LMF2: variants seen among roughly 807,000 people sequenced by gnomAD.
LMF2 encodes lipase maturation factor 2, also known as transmembrane protein 112B.
A neutral mutation model predicts 81.5 loss-of-function variants in LMF2; 113 were observed. That is an observed-to-expected ratio of 1.39 (90% CI 1.19 to 1.62). The LOEUF is 1.62. Ranked by LOEUF, LMF2 falls within the 40% of genes most tolerant of loss-of-function variation. The pLI, the probability that LMF2 is intolerant of heterozygous loss-of-function variation, is 0.00. For missense variants in LMF2, 1,235 were observed against 929.1 expected (o/e 1.33, Z -4.28); for synonymous variants, 645 against 424.5 (o/e 1.52, Z -6.39).
In LMF2 at chr22:50,505,658, G is replaced by A. The variant is rs752887586; in HGVS notation, c.916+16C>T. 2.5e-6 allele frequency: 4 copies of A among 1,612,632 alleles called. No homozygotes were observed. The South Asian group carries it at 4.4e-5, about 18-fold the overall frequency. The stretch of plus-strand genomic sequence containing the variant: ...GAACCCCTGGGAGGGCAGGGGGCTG[G>A]ACAAGTGACACGCACAGGTGGCCGT... On this transcript the variant is annotated intron_variant, in intron 6 of 13. Coordinates refer to ENST00000474879, the MANE Select transcript of LMF2 (RefSeq NM_033200.3).
Position 50,505,807 on chromosome 22 carries a change from C to A in LMF2, c.783G>T (p.Leu261=). The A allele has an allele frequency of 6.2e-7, 1 of 1,612,974 alleles. No homozygotes were observed. Among genetic ancestry groups the A allele is most frequent in the South Asian group, 1.1e-5 (1 of 91,092 alleles). The change falls in exon 6 of 14, where the codon CTG becomes CTT. Residue 261 remains leucine, a synonymous_variant. Coordinates refer to ENST00000474879, the MANE Select transcript of LMF2 (RefSeq NM_033200.3). ...RLAAFYSQVL[L]QVLIIITGNY... is the part of the protein sequence containing the mutation. ...TGCCGGTGATGATAATCAGGACCTG[C>A]AGCAGCACCTGGGGGCGGCCCGCTC...
Position 50,505,252 on chromosome 22 carries a change from C to A in LMF2, c.1134G>T (p.Trp378Cys). ...TVWLGVASLV[W>C]ELLSALWRWT... is the part of the protein sequence containing the mutation. ...ACCTCCACAGGGCACTCAGCAGCTC[C>A]CAGACCAGGGAGGCCACACCCAGCC... The change falls in exon 8 of 14, where the codon TGG (tryptophan) becomes TGT (cysteine). Residue 378 changes from tryptophan (W) to cysteine (C), a missense_variant. Trp to Cys is a radical substitution (Grantham distance 215, BLOSUM62 -2). Transcript: ENST00000474879. 1 of 1,613,178 alleles carries A rather than the reference C, an allele frequency of 6.2e-7. No homozygotes were observed. The highest frequency in any genetic ancestry group is 8.5e-7 in the Non-Finnish European group (1 of 1,180,016).
Position 50,504,790 on chromosome 22 carries a change from G to C in LMF2, c.1437+12C>G. ...TGGGCCCCACCACCCTGCCCGCCCT[G>C]GGAGGGCTCACCGTCCAGTGGTGGC... On this transcript the variant is annotated intron_variant, in intron 10 of 13. Transcript: ENST00000474879. The C allele has an allele frequency of 6.2e-7, 1 of 1,604,802 alleles. No individual in the cohort carries two copies. The highest frequency in any genetic ancestry group is 8.5e-7 in the Non-Finnish European group (1 of 1,174,984).
intron 6 of LMF2, 22 bp from the exon 7 acceptor site, chr22:50,505,559 G>C: frequency 6.2e-7 from 1 of 1,612,220 alleles, no homozygotes; most frequent in South Asian, 1.1e-5. Context: ...GACAGTCATG[G>C]GTCAGCAGAG....
In LMF2 at chr22:50,506,066, C is replaced by T. The variant is rs778254116; in HGVS notation, c.743G>A (p.Arg248Gln). 13 of 1,590,774 alleles carry T rather than the reference C, an allele frequency of 8.2e-6. No homozygotes were observed. The highest frequency in any genetic ancestry group is 5.7e-5 in the South Asian group (5 of 87,956). Reference protein sequence around the residue: ...AVPPLFFAPIRRLRLAAFYSQ... With the variant: ...AVPPLFFAPIQRLRLAAFYSQ... Reference sequence around the variant, plus strand: ...GTAGAAAGCAGCCAAGCGCAGGCGTCGAATGGGGGCGAAGAACAGGGGCGG... The same window carrying T: ...GTAGAAAGCAGCCAAGCGCAGGCGTTGAATGGGGGCGAAGAACAGGGGCGG... The change falls in exon 5 of 14, where the codon CGA becomes CAA. Residue 248 changes from arginine to glutamine, a missense_variant. Arg to Gln is a conservative substitution (Grantham distance 43, BLOSUM62 1). Transcript: ENST00000474879.
rs765286547 is a variant in LMF2, at chr22:50,506,056, G to A, written c.753C>T (p.Arg251=). ...PLFFAPIRRL[R]LAAFYSQVLL... ...CCACCTGCGAGTAGAAAGCAGCCAA[G>A]CGCAGGCGTCGAATGGGGGCGAAGA... Residue 251 remains arginine (R), a synonymous_variant, in exon 5 of 14, where the codon CGC becomes CGT. Coordinates refer to ENST00000474879, the MANE Select transcript of LMF2 (RefSeq NM_033200.3). 1.9e-5 allele frequency: 31 copies of A among 1,590,556 alleles called. 1 individual carries two copies. Among genetic ancestry groups the A allele is most frequent in the Middle Eastern group, 3.3e-4 (2 of 6,056 alleles).
chr22:50,504,569 G>A lies in LMF2; in HGVS notation c.1596C>T (p.Gly532=), dbSNP rs751749505. 13 of 1,564,566 alleles carry A rather than the reference G, an allele frequency of 8.3e-6. No homozygotes were observed. The highest frequency in any genetic ancestry group is 6.7e-5 in the South Asian group (6 of 89,592). ...AAGCCCGCTCCGCACCTGGCTCCTT[G>A]CCCTGCAGCAGGCGCAAGACCAGGC... ...FTSLVLRLLQ[G]KEPVIRLVQS... Residue 532 remains glycine (G), a synonymous_variant, in exon 11 of 14, where the codon GGC becomes GGT. Coordinates refer to ENST00000474879, the MANE Select transcript of LMF2 (RefSeq NM_033200.3).
intron 1 of LMF2, 128 bp from the exon 2 acceptor site, chr22:50,507,163 C>T (rs992231410): frequency 1.0e-5 from 14 of 1,406,280 alleles, no homozygotes; most frequent in Admixed American, 2.7e-5. Flanking sequence ...AGGTCAGAGT[C>T]TGCAGTCCCT....
rs1052360983 is a variant in LMF2 at position 50,503,266 on chromosome 22, G to GC, written c.*124dup. 85 of 1,042,884 alleles carry GC rather than the reference G, an allele frequency of 8.2e-5. No individual in the cohort carries two copies. Among genetic ancestry groups the GC allele is most frequent in the Middle Eastern group, 2.9e-4 (1 of 3,408 alleles). The allele number at this position is 1,042,884 out of a possible 1,614,324, so 64.6% of individuals were successfully genotyped here. A position where few individuals can be genotyped will look rare whatever the true frequency, so the allele number is the denominator to read the frequency against. ...CAGCACCCTGCAAACCCCAGGGGCA[G>GC]CCCCCCAACCTGTGCCTGGCCCTGC... On this transcript the variant is annotated 3_prime_UTR_variant, in exon 14 of 14. Transcript: ENST00000474879.
Position 50,506,446 on chromosome 22 carries a change from G to T in LMF2, c.434C>A (p.Pro145Gln). The T allele has an allele frequency of 6.4e-7, 1 of 1,550,408 alleles. No homozygotes were observed. Among genetic ancestry groups the T allele is most frequent in the Non-Finnish European group, 8.7e-7 (1 of 1,148,536 alleles). ...GGGGGCCTCCTTGCGGTGGGAGGCT[G>T]GCCTCAGCGGGGCCACCAGCACGGC... is the stretch of plus-strand genomic sequence containing the variant. ...FLAVLVAPLRPASHRKEAPQG... is the reference protein window; with the variant it reads ...FLAVLVAPLRQASHRKEAPQG... The change falls in exon 4 of 14, where the codon CCA (proline) becomes CAA (glutamine). Residue 145 changes from proline to glutamine, a missense_variant. Pro to Gln is a moderately conservative substitution (Grantham distance 76). Coordinates refer to ENST00000474879, the MANE Select transcript of LMF2 (RefSeq NM_033200.3).
In LMF2 at chr22:50,503,538, A is replaced by T; in HGVS notation, c.1977T>A (p.Cys659Ter). Residue 659 changes from cysteine (C) to a stop codon, truncating the protein, a stop_gained, in exon 14 of 14, where the codon TGT (cysteine) becomes TGA (stop). Coordinates refer to ENST00000474879, the MANE Select transcript of LMF2 (RefSeq NM_033200.3). LOFTEE classifies it low-confidence loss of function (END_TRUNC). ...GTGCCAGCGGGGAGGACCGGAGAGAACAGGGTGCTAGCAGGGCTTGCACAA... is the reference window on the plus strand; with the variant it reads ...GTGCCAGCGGGGAGGACCGGAGAGATCAGGGTGCTAGCAGGGCTTGCACAA... ...VRFVQALLAP[C>*]SLRSSPLAPV... is the part of the protein sequence containing the mutation. The T allele has an allele frequency of 6.4e-7, 1 of 1,566,114 alleles. No homozygotes were observed. Among genetic ancestry groups the T allele is most frequent in the Non-Finnish European group, 8.6e-7 (1 of 1,159,656 alleles).
At position 50,506,824 on chromosome 22, in the gene LMF2, G is replaced by A; in HGVS notation, c.306C>T (p.Val102=). The A allele has an allele frequency of 6.2e-7, 1 of 1,609,412 alleles. No homozygotes were observed. The highest frequency in any genetic ancestry group is 8.5e-7 in the Non-Finnish European group (1 of 1,178,140). The stretch of plus-strand genomic sequence containing the variant: ...AGGCGGCCCAAAGCAGCAAGTAGAT[G>A]ACAGGGTGGCGCAGTGGGCTCAGCA... ...ALLLSPLRHP[V]IYLLLWAAYL... The change falls in exon 2 of 14, where the codon GTC becomes GTT. Residue 102 remains valine, a synonymous_variant. Coordinates refer to ENST00000474879, the MANE Select transcript of LMF2 (RefSeq NM_033200.3).
Position 50,504,949 on chromosome 22 carries a change from C to A in LMF2, c.1290G>T (p.Gly430=). ...GGCGGTGGGCCCCGGTCCAGAGGCG[C>A]CCGTGGGTCCCGGGCTCCACGTAGG... is the stretch of plus-strand genomic sequence containing the variant. ...PYSYVEPGTH[G]RLWTGAHRLF... is the part of the protein sequence containing the mutation. The change falls in exon 10 of 14, where the codon GGG becomes GGT. Residue 430 remains glycine (G), a synonymous_variant. Coordinates refer to ENST00000474879, the MANE Select transcript of LMF2 (RefSeq NM_033200.3). 1 of 1,607,722 alleles carries A rather than the reference C, an allele frequency of 6.2e-7. No homozygotes were observed. The highest frequency in any genetic ancestry group is 8.5e-7 in the Non-Finnish European group (1 of 1,176,558).
At chr22:50,506,532 C>T (rs373824274) in intron 3 of LMF2, 30 bp from the exon 4 acceptor site, 5 of 1,569,778 alleles carry the variant, frequency 3.2e-6, no homozygotes, top group East Asian at 4.5e-5. Flanking sequence ...CACCAAGAGC[C>T]CCTCCCCACA....
chr22:50,503,765 G>T lies in LMF2; in HGVS notation c.1815+43C>A, dbSNP rs751747534. ...ACTGGGTTTACCCCGGGAGGCTGGG[G>T]TCACCCCTGCCACCTCCCCCAGCCT... On this transcript the variant is annotated intron_variant, in intron 13 of 13. Transcript: ENST00000474879. 4.4e-6 allele frequency: 7 copies of T among 1,594,294 alleles called. No homozygotes were observed. The East Asian group carries it at 1.3e-4, about 31-fold the overall frequency.
rs1031055709 is a variant in LMF2 at position 50,506,774 on chromosome 22, C to T, written c.348+8G>A. 1.9e-6 allele frequency: 3 copies of T among 1,612,688 alleles called. No individual in the cohort carries two copies. The highest frequency in any genetic ancestry group is 2.5e-6 in the Non-Finnish European group (3 of 1,179,472). On this transcript the variant is annotated splice_region_variant and intron_variant, in intron 2 of 13. Coordinates refer to ENST00000474879, the MANE Select transcript of LMF2 (RefSeq NM_033200.3). ...AGATAGAGTGAGCTGGTCACAGGTC[C>T]CACTTGCCTGGCAGGCTGACAGGTA...
Position 50,504,358 on chromosome 22 carries a change from G to C in LMF2, c.1700C>G (p.Ser567Cys). 1.2e-6 allele frequency: 2 copies of C among 1,611,804 alleles called. No homozygotes were observed. The highest frequency in any genetic ancestry group is 1.7e-6 in the Non-Finnish European group (2 of 1,179,458). The change falls in exon 12 of 14, where the codon TCC becomes TGC. Residue 567 changes from serine (S) to cysteine (C), a missense_variant. By Grantham distance (112) the Ser-to-Cys change is moderately radical. Coordinates refer to ENST00000474879, the MANE Select transcript of LMF2 (RefSeq NM_033200.3). ...GCCTTACCCCTGCTCCCCAGGCTGG[G>C]AGAACCAGTACTTGTAGCGCTGGGC... is the stretch of plus-strand genomic sequence containing the variant. ...VRAQRYKYWF[S>C]QPGEQGQWWR...
chr22:50,505,616 G>T, intron 6 of LMF2, 58 bp downstream of exon 6: 1 of 1,611,108 alleles, frequency 6.2e-7, no homozygotes, highest in Middle Eastern at 1.7e-4. Context: ...GGAGTCCTGT[G>T]GGGGTGTTGG....
chr22:50,506,861 A>T lies in LMF2; in HGVS notation c.269T>A (p.Leu90Gln), dbSNP rs1569518970. ...CAGTGGGCTCAGCAGCAGGGCTCCCAGGGCCACTAGTGCACCCAGCAGGCT... is the reference window on the plus strand; with the variant it reads ...CAGTGGGCTCAGCAGCAGGGCTCCCTGGGCCACTAGTGCACCCAGCAGGCT... ...LLSLLGALVA[L>Q]GALLLSPLRH... Residue 90 changes from leucine to glutamine, a missense_variant, in exon 2 of 14, where the codon CTG becomes CAG. Coordinates refer to ENST00000474879, the MANE Select transcript of LMF2 (RefSeq NM_033200.3). 6.3e-7 allele frequency: 1 copy of T among 1,592,720 alleles called. No homozygotes were observed. The highest frequency in any genetic ancestry group is 1.8e-5 in the Admixed American group (1 of 56,788).
Sources: gnomAD v4.1 joint callset for allele counts on GRCh38, gnomAD v4.1.1 for gene constraint, MANE v1.5 for transcripts, NCBI Gene and HGNC (gene_info 2026-07-23, HGNC 2026-07-21) for gene names.